The following SRFBP1 variants were observed in gnomAD, a reference collection of about 807,000 sequenced individuals.
SRFBP1 encodes serum response factor binding protein 1, also known as serum response factor-binding protein 1.
A neutral mutation model predicts 45.5 loss-of-function variants in SRFBP1; 47 were observed. That is an observed-to-expected ratio of 1.03 (90% CI 0.82 to 1.32). The LOEUF is 1.32. SRFBP1 is among the 40% of genes most tolerant of loss of function. The pLI, the probability that SRFBP1 is intolerant of heterozygous loss-of-function variation, is 0.00. For missense variants in SRFBP1, 621 were observed against 484.6 expected, an observed-to-expected ratio of 1.28 and a Z score of -2.64; for synonymous variants, 203 against 166.3, an observed-to-expected ratio of 1.22 and a Z score of -1.70.
At chr5:122,063,730 T>C (rs1016796976) in intron 2 of SRFBP1, 1 of 151,956 alleles carries the variant, frequency 6.6e-6, no homozygotes, top group Non-Finnish European at 1.5e-5. Flanking sequence ...AAATATCTCC[T>C]TACCAGGAAT....
chr5:121,975,471 T>C (rs748466387), intron 3 of SRFBP1, 84 bp downstream of exon 3: 88 of 1,450,992 alleles, frequency 6.1e-5, no homozygotes, highest in South Asian at 3.6e-4. Context: ...GTATTGCTTA[T>C]TTGAATATTC....
chr5:122,063,838 A>C (rs946819057), intron 2 of SRFBP1: 1 of 151,964 alleles, frequency 6.6e-6, no homozygotes, highest in Admixed American at 6.6e-5. Flanking sequence ...GGGAATGTTT[A>C]TAAGTGTGAC....
At chr5:121,993,041 G>A (rs1752650030) in intron 3 of SRFBP1, among the ~76,000 whole-genome samples, 1 of 151,950 alleles carries the variant, frequency 6.6e-6, no homozygotes, top group African/African-American at 2.4e-5. Flanking sequence ...CTTGACATTG[G>A]GTATTGCTAA....
At chr5:122,048,900 A>G (rs1234928919) in intron 2 of SRFBP1, among the ~76,000 whole-genome samples, 2 of 152,048 alleles carry the variant, frequency 1.3e-5, no homozygotes, top group African/African-American at 2.4e-5. Context: ...TATCCCCTTC[A>G]TCGTTTTTTA....
intron 4 of SRFBP1, among the ~76,000 whole-genome samples, chr5:122,018,619 A>C (rs189585827): frequency 6.6e-5 from 10 of 152,338 alleles, no homozygotes; most frequent in African/African-American, 2.4e-4. Context: ...ATCAGCTTAG[A>C]GCTCAGGTTG....
intron 3 of SRFBP1, among the ~76,000 whole-genome samples, chr5:121,989,216 A>G (rs1406267834): frequency 2.6e-4 from 39 of 152,014 alleles, no homozygotes; most frequent in Admixed American, 2.4e-3. Flanking sequence ...GGCACGTGCC[A>G]CTACATCCAG....
chr5:121,975,844 A>G (rs906093601), intron 3 of SRFBP1, among the ~76,000 whole-genome samples: 4 of 151,950 alleles, frequency 2.6e-5, no homozygotes, highest in Non-Finnish European at 5.9e-5. Context: ...AACTTCAAAT[A>G]AAATTAGTGT....
At chr5:122,022,452 G>C in intron 7 of SRFBP1, 45 bp downstream of exon 7, 6 of 1,536,020 alleles carry the variant, frequency 3.9e-6, no homozygotes, top group Non-Finnish European at 5.3e-6. Context: ...ATTAAGCTAT[G>C]TTTTACCAGA....
chr5:121,973,617 G>A (rs73285732), intron 1 of SRFBP1, among the ~76,000 whole-genome samples: 1 of 141,272 alleles, frequency 7.1e-6, no homozygotes, highest in Middle Eastern at 3.3e-3. Flanking sequence ...TGTGTGTGTG[G>A]GGGGGGGGCA....
At chr5:122,007,383 T>C (rs925873411) in intron 4 of SRFBP1, among the ~76,000 whole-genome samples, 1 of 151,476 alleles carries the variant, frequency 6.6e-6, no homozygotes, top group Non-Finnish European at 1.5e-5. Context: ...CCATGGGGGC[T>C]GGCTGGGTAT....
Position 121,994,629 on chromosome 5 carries a change from G to T in SRFBP1, c.229G>T (p.Ala77Ser), listed in dbSNP as rs199655581. 3.2e-4 allele frequency: 507 copies of T among 1,596,328 alleles called. No individual in the cohort carries two copies. The highest frequency in any genetic ancestry group is 4.1e-4 in the Non-Finnish European group (481 of 1,172,808). ...ELKPDIVTKS[A>S]LGDDINFEKI... ...GAAACCTGACATAGTAACTAAATCT[G>T]CTCTTGGTGATGATATCAACTTTGA... The change falls in exon 4 of 8, where the codon GCT becomes TCT. Residue 77 changes from alanine (A) to serine (S), a missense_variant. By Grantham distance (99) the Ala-to-Ser change is moderately conservative. Coordinates refer to ENST00000339397, the MANE Select transcript of SRFBP1 (RefSeq NM_152546.3).
At chr5:122,066,690 C>T in intron 2 of SRFBP1, 6 of 1,497,478 alleles carry the variant, frequency 4.0e-6, no homozygotes, top group East Asian at 2.3e-5. Flanking sequence ...CTATTTTTTC[C>T]CACTTCAGAA....
At chr5:122,017,479 G>T (rs1306657209) in intron 4 of SRFBP1, among the ~76,000 whole-genome samples, 1 of 152,098 alleles carries the variant, frequency 6.6e-6, no homozygotes, top group Non-Finnish European at 1.5e-5. Flanking sequence ...GTCTTACTGG[G>T]CTTAAGACCA....
At chr5:122,029,189 G>C (rs1753552941), downstream of SRFBP1, among the ~76,000 whole-genome samples, 3 of 152,054 alleles carry the variant, frequency 2.0e-5, no homozygotes, top group Admixed American at 2.0e-4. Flanking sequence ...TAAGCTGTGT[G>C]TAATATATAC....
At chr5:122,037,143 C>G (rs1266360491) in intron 2 of SRFBP1, among the ~76,000 whole-genome samples, 1 of 152,136 alleles carries the variant, frequency 6.6e-6, no homozygotes, top group Non-Finnish European at 1.5e-5. Flanking sequence ...GGTGATCCGC[C>G]CGCCTTGGCC....
At chr5:122,032,265 G>GT (rs55902217), downstream of SRFBP1, among the ~76,000 whole-genome samples, 4,310 of 146,576 alleles carry the variant, frequency 0.029, 85 homozygotes, top group Non-Finnish European at 0.039. Context: ...ATCCTTGGTA[G>GT]TTTTTTTTTT....
chr5:122,065,268 A>G (rs190942682), intron 2 of SRFBP1: 7 of 152,200 alleles, frequency 4.6e-5, no homozygotes, highest in Admixed American at 1.3e-4. Flanking sequence ...TGACTTTACA[A>G]TTCTATGACA....
intron 6 of SRFBP1, among the ~76,000 whole-genome samples, chr5:122,021,312 C>G (rs1753317133): frequency 1.3e-5 from 2 of 152,102 alleles, no homozygotes; most frequent in Non-Finnish European, 2.9e-5. Context: ...TGTTGCTCAC[C>G]ACTTTTCATA....
At chr5:122,035,534 C>A (rs1022417131) in intron 2 of SRFBP1, among the ~76,000 whole-genome samples, 2 of 152,286 alleles carry the variant, frequency 1.3e-5, no homozygotes, top group East Asian at 3.9e-4. Context: ...TTCCCTAGAT[C>A]TCTGGCTGCT....
Sources: gnomAD v4.1 joint callset for allele counts (sites outside exome capture counted in the v4.1 genomes callset) on GRCh38, gnomAD v4.1.1 for gene constraint, MANE v1.5 for transcripts, NCBI Gene and HGNC (gene_info 2026-07-23, HGNC 2026-07-21) for gene names.